The following DGKI variants were observed in gnomAD, a reference collection of about 807,000 sequenced individuals.
The protein encoded by DGKI is diacylglycerol kinase iota, also known as DAG kinase iota.
A neutral mutation model predicts 147.5 loss-of-function variants in DGKI; 55 were observed. The ratio of observed to expected loss-of-function variants is 0.37; its 90% CI spans 0.30 to 0.47. The LOEUF is 0.47. DGKI is among the 20% of genes least tolerant of loss of function. The pLI is 1.00. For synonymous variants in DGKI, 469 were observed against 477.1 expected, an observed-to-expected ratio of 0.98 and a Z score of 0.22; for missense variants, 1,007 against 1,323.8, an observed-to-expected ratio of 0.76 and a Z score of 3.71.
intron 1 of DGKI, among the ~76,000 whole-genome samples, chr7:137,837,578 G>A (rs905273157): frequency 1.3e-5 from 2 of 152,186 alleles, no homozygotes; most frequent in African/African-American, 2.4e-5. Context: ...TCACAAGGGT[G>A]GGGCGCTAAT....
At chr7:137,589,313 T>A (rs1268689381) in intron 12 of DGKI, among the ~76,000 whole-genome samples, 1 of 152,248 alleles carries the variant, frequency 6.6e-6, no homozygotes, top group Non-Finnish European at 1.5e-5. Flanking sequence ...CTTGCTCGTC[T>A]ACCAATTATG....
chr7:137,667,210 T>C (rs1346511068), intron 3 of DGKI, among the ~76,000 whole-genome samples: 1 of 152,192 alleles, frequency 6.6e-6, no homozygotes, highest in African/African-American at 2.4e-5. Flanking sequence ...CAAATATGGA[T>C]ATAAATATAA....
intron 1 of DGKI, among the ~76,000 whole-genome samples, chr7:137,806,032 T>C (rs7810652): frequency 0.59 from 90,054 of 152,138 alleles, 29,449 homozygotes; most frequent in African/African-American, 0.89. Flanking sequence ...TTTCTCTTCT[T>C]AACCTCATTC....
chr7:137,694,406 A>G (rs570054091), intron 1 of DGKI, among the ~76,000 whole-genome samples: 7 of 152,100 alleles, frequency 4.6e-5, no homozygotes, highest in Non-Finnish European at 7.4e-5. Context: ...ATTTCTCTCA[A>G]TTTCCTCTGG....
intron 27 of DGKI, among the ~76,000 whole-genome samples, chr7:137,458,485 T>C (rs555086062): frequency 3.9e-5 from 6 of 152,250 alleles, no homozygotes; most frequent in African/African-American, 1.2e-4. Context: ...TTTCAGTCAT[T>C]TGGGGGTTTC....
intron 28 of DGKI, among the ~76,000 whole-genome samples, chr7:137,441,553 G>A (rs1813509702): frequency 1.3e-5 from 2 of 151,728 alleles, no homozygotes; most frequent in South Asian, 4.2e-4. Flanking sequence ...AAACAAACAA[G>A]ATAAGGTAAA....
chr7:137,825,418 G>T (rs1227096885), intron 1 of DGKI, among the ~76,000 whole-genome samples: 1 of 152,126 alleles, frequency 6.6e-6, no homozygotes, highest in Non-Finnish European at 1.5e-5. Flanking sequence ...GCAATATCTT[G>T]CATGGCTGTA....
intron 1 of DGKI, among the ~76,000 whole-genome samples, chr7:137,732,802 C>G (rs1256661865): frequency 1.3e-5 from 2 of 151,934 alleles, no homozygotes; most frequent in African/African-American, 2.4e-5. Context: ...CTCCCCGCCC[C>G]ACATAGTCTC....
chr7:137,494,702 T>G (rs1852641), intron 21 of DGKI, among the ~76,000 whole-genome samples: 1 of 152,156 alleles, frequency 6.6e-6, no homozygotes, highest in Non-Finnish European at 1.5e-5. Flanking sequence ...AGGTCATTAC[T>G]GGCCACTACA....
At chr7:137,575,301 T>G (rs1006578500) in intron 17 of DGKI, among the ~76,000 whole-genome samples, 2 of 152,210 alleles carry the variant, frequency 1.3e-5, no homozygotes, top group Non-Finnish European at 2.9e-5. Context: ...TATCACATCT[T>G]TCCTAGTTAT....
In DGKI at chr7:137,645,533, A is replaced by G. The variant is rs763957674; in HGVS notation, c.743T>C (p.Phe248Ser). 1.2e-6 allele frequency: 2 copies of G among 1,612,322 alleles called. No homozygotes were observed. ...CCTGTGCACCCAGTGATGACGTACA[A>G]AATTCTGTGGGAAAACAAAATTAAA... ...EGGSRSPRENFVRHHWVHRRR... is the reference protein window; with the variant it reads ...EGGSRSPRENSVRHHWVHRRR... The change falls in exon 6 of 33, where the codon TTT becomes TCT. Residue 248 changes from phenylalanine to serine, a missense_variant. Coordinates refer to ENST00000614521, the MANE Select transcript of DGKI (RefSeq NM_001321708.2).
Position 137,678,647 on chromosome 7 carries a change from A to G in DGKI, c.516T>C (p.Asn172=). ...GCCACAGGTGTTCTCCATTCACGGC[A>G]TTCTCCTGCAAGGAAAAGACCCACC... is the stretch of plus-strand genomic sequence containing the variant. ...EPRATLDWSE[N]AVNGEHLWLE... The change falls in exon 3 of 33, where the codon AAT becomes AAC. Residue 172 remains asparagine, a synonymous_variant. Transcript: ENST00000614521. 6.2e-7 allele frequency: 1 copy of G among 1,614,068 alleles called. No homozygotes were observed. The highest frequency in any genetic ancestry group is 8.5e-7 in the Non-Finnish European group (1 of 1,179,970).
intron 21 of DGKI, among the ~76,000 whole-genome samples, chr7:137,517,264 G>GA (rs1816783165): frequency 2.0e-5 from 2 of 99,742 alleles, no homozygotes. Flanking sequence ...AAGAAAGAAA[G>GA]AAAGAAAGAA....
In DGKI at chr7:137,635,910, T is replaced by C. The variant is rs541164596; in HGVS notation, c.804+9562A>G. Among the ~76,000 whole-genome samples, 14 of 152,346 alleles carry C rather than the reference T, an allele frequency of 9.2e-5. No homozygotes were observed. The East Asian group carries it at 2.7e-3, about 29-fold the overall frequency. ...CCGGGCTTTGAGGGTCTAAATCCCA[T>C]GACGGTGAATTTCTTCGTCATGGGA... is the stretch of plus-strand genomic sequence containing the variant. On this transcript the variant is annotated intron_variant, in intron 6 of 32. Transcript: ENST00000614521.
chr7:137,406,871 C>T lies in DGKI; in HGVS notation c.2920+1004G>A, dbSNP rs1811967097. Among the ~76,000 whole-genome samples the T allele has an allele frequency of 2.5e-5, 3 of 118,666 alleles. No individual in the cohort carries two copies. In the South Asian group the frequency reaches 8.1e-4, roughly 32 times the overall value. 77.8% of individuals were successfully genotyped at this position (118,666 alleles called of 152,430 possible). A position where few individuals can be genotyped will look rare whatever the true frequency, so the allele number is the denominator to read the frequency against. ...AACAGGCAGCTCCTGTTAGGCACTA[C>T]ACAAATATTTGTTAAATGAATGAAT... On this transcript the variant is annotated intron_variant, in intron 30 of 32. Coordinates refer to ENST00000614521, the MANE Select transcript of DGKI (RefSeq NM_001321708.2).
In DGKI at chr7:137,407,149, T is replaced by C. The variant is rs370555220; in HGVS notation, c.2920+726A>G. On this transcript the variant is annotated intron_variant, in intron 30 of 32. Transcript: ENST00000614521. ...CTAGCTAGGCAGTATTTTTCCCCTTTATTCCTGTTCTTTATTCCTAGAAAT... is the reference window on the plus strand; with the variant it reads ...CTAGCTAGGCAGTATTTTTCCCCTTCATTCCTGTTCTTTATTCCTAGAAAT... Among the ~76,000 whole-genome samples, 16 of 152,218 alleles carry C rather than the reference T, an allele frequency of 1.1e-4. 1 individual carries two copies. The highest frequency in any genetic ancestry group is 9.6e-4 in the East Asian group (5 of 5,194).
intron 1 of DGKI, among the ~76,000 whole-genome samples, chr7:137,803,271 A>T (rs1311023478): frequency 6.6e-6 from 1 of 152,126 alleles, no homozygotes; most frequent in African/African-American, 2.4e-5. Context: ...GGTAAGTTTG[A>T]AAAAGGGGGC....
At chr7:137,615,531 ATGTGTG>A (rs5887846) in intron 8 of DGKI, among the ~76,000 whole-genome samples, 1,859 of 135,836 alleles carry the variant, frequency 0.014, 30 homozygotes, top group African/African-American at 0.044. Context: ...ATATGTATGT[ATGTGTG>A]TGTGTGTGTG....
At position 137,472,255 on chromosome 7, in the gene DGKI, ATAT is replaced by A. The variant is rs1275615280; in HGVS notation, c.2374-2639_2374-2637del. Among the ~76,000 whole-genome samples, 445 of 68,296 alleles carry A rather than the reference ATAT, an allele frequency of 6.5e-3. 11 individuals carry two copies. Among genetic ancestry groups the A allele is most frequent in the African/African-American group, 0.024 (422 of 17,876 alleles). 44.8% of individuals were successfully genotyped at this position (68,296 alleles called of 152,430 possible). A position where few individuals can be genotyped will look rare whatever the true frequency, so the allele number is the denominator to read the frequency against. ...TATAATATATGTATATATACACATA[ATAT>A]TATATGTATATATACATATAATATT... On this transcript the variant is annotated intron_variant, in intron 23 of 32. Transcript: ENST00000614521.
Sources: allele counts gnomAD v4.1 joint callset (sites outside exome capture counted in the v4.1 genomes callset), GRCh38; gene constraint gnomAD v4.1.1; transcripts MANE v1.5; gene names NCBI Gene and HGNC (gene_info 2026-07-23, HGNC 2026-07-21).